PROKR2: variants seen among roughly 807,000 people sequenced by gnomAD.
PROKR2 encodes G protein-coupled receptor 73-like 1.
PROKR2 carries 26 observed loss-of-function variants against 23.4 expected under a neutral mutation model. The observed-to-expected ratio is 1.11, with a 90% CI of 0.81 to 1.54. The LOEUF is 1.54. Ranked by LOEUF, PROKR2 falls within the 40% of genes most tolerant of loss-of-function variation. PROKR2 has a pLI of 0.00. For synonymous variants in PROKR2, 212 were observed against 201.2 expected, an observed-to-expected ratio of 1.05 and a Z score of -0.45; for missense variants, 453 against 511.5, an observed-to-expected ratio of 0.89 and a Z score of 1.10.
chr20:5,311,221 CT>C (rs1204386963), intron 2 of PROKR2, among the ~76,000 whole-genome samples: 1 of 152,114 alleles, frequency 6.6e-6, no homozygotes, highest in Non-Finnish European at 1.5e-5. Context: ...AGAGATAAAG[CT>C]GGAAGGAGAG....
chr20:5,311,868 T>C (rs1979456610), intron 2 of PROKR2, among the ~76,000 whole-genome samples: 1 of 152,242 alleles, frequency 6.6e-6, no homozygotes, highest in South Asian at 2.1e-4. Context: ...TGGCTCTCCT[T>C]TCTTCTCAGC....
Position 5,302,361 on chromosome 20 carries a change from CAT to C in PROKR2, c.832_833del (p.Met278ValfsTer21). The C allele has an allele frequency of 6.2e-7, 1 of 1,614,234 alleles. No homozygotes were observed. The highest frequency in any genetic ancestry group is 8.5e-7 in the Non-Finnish European group (1 of 1,180,044). On this transcript the variant is annotated frameshift_variant, in exon 3 of 3. Coordinates refer to ENST00000678254, the MANE Select transcript of PROKR2 (RefSeq NM_144773.4). LOFTEE classifies it high-confidence loss of function. ...ACAGCACATAGGCCGTGAGAATGCA[CAT>C]GAGCACCAGGACCGTCTTCCTGCGG... Reference protein sequence around the residue: ...RCRRKTVLVLMCILTAYVLCW... With the variant: ...RCRRKTVLVLXCILTAYVLCW...
intron 2 of PROKR2, among the ~76,000 whole-genome samples, chr20:5,304,738 A>G (rs1182393050): frequency 6.6e-6 from 1 of 152,244 alleles, no homozygotes; most frequent in Non-Finnish European, 1.5e-5. Context: ...CGTGGATTTT[A>G]TAGCTCAGTT....
intron 2 of PROKR2, among the ~76,000 whole-genome samples, chr20:5,303,574 G>A (rs1780670764): frequency 1.3e-5 from 2 of 152,162 alleles, no homozygotes; most frequent in Admixed American, 1.3e-4. Flanking sequence ...AGACAGATTG[G>A]AGCCCTTTGT....
chr20:5,316,821 C>T lies in PROKR2; in HGVS notation c.-336G>A, dbSNP rs76986139. 0.047 allele frequency among the ~76,000 whole-genome samples: 7,155 copies of T among 152,320 alleles called. 535 individuals are homozygous for T. The highest frequency in any genetic ancestry group is 0.16 in the African/African-American group (6,747 of 41,536). ...GTCCAGGCCAAGGGTGGATGCCCAG[C>T]TCCCCCACCCCACCGCGTGCTCTCG... On this transcript the variant is annotated 5_prime_UTR_variant, in exon 1 of 3. Transcript: ENST00000678254. This position sits in a 1 kb window ranked among gnomAD's most constrained non-coding sequence, Gnocchi z 5.0.
chr20:5,305,241 A>G (rs1306754562), intron 2 of PROKR2, among the ~76,000 whole-genome samples: 2 of 152,150 alleles, frequency 1.3e-5, no homozygotes, highest in Admixed American at 1.3e-4. Context: ...AGCTCAGGCC[A>G]TTCCCTGACC....
intron 1 of PROKR2, chr20:5,315,750 C>T: frequency 2.4e-6 from 1 of 425,086 alleles, no homozygotes; most frequent in South Asian, 1.7e-5. Flanking sequence ...CCAGTGGCGT[C>T]CACACCCGGA....
rs1568569458 is a variant in PROKR2 at position 5,302,578 on chromosome 20, A to T, written c.617T>A (p.Ile206Asn). The change falls in exon 3 of 3, where the codon ATC becomes AAC. Residue 206 changes from isoleucine to asparagine, a missense_variant. Coordinates refer to ENST00000678254, the MANE Select transcript of PROKR2 (RefSeq NM_144773.4). ...CACAGGCCAGATCTGGCCACAGAAG[A>T]TCTTCTCCTGGCTCTTGACAATAAA... ...VLFIVKSQEKIFCGQIWPVDQ... is the reference protein window; with the variant it reads ...VLFIVKSQEKNFCGQIWPVDQ... The T allele has an allele frequency of 2.0e-5, 33 of 1,614,124 alleles. No homozygotes were observed. Among genetic ancestry groups the T allele is most frequent in the East Asian group, 4.5e-5 (2 of 44,878 alleles).
At chr20:5,311,330 G>C (rs888448056) in intron 2 of PROKR2, among the ~76,000 whole-genome samples, 2 of 152,170 alleles carry the variant, frequency 1.3e-5, no homozygotes, top group African/African-American at 2.4e-5. Flanking sequence ...TCCCTGCTTG[G>C]ACGGCTGAGA....
intron 2 of PROKR2, among the ~76,000 whole-genome samples, chr20:5,309,614 G>A (rs1159006329): frequency 6.6e-6 from 1 of 152,150 alleles, no homozygotes; most frequent in South Asian, 2.1e-4. Context: ...AATTCCATCT[G>A]CTACCTCAAT....
In PROKR2 at chr20:5,314,393, T is replaced by G. The variant is rs749341108; in HGVS notation, c.-8-16A>C. 1.2e-6 allele frequency: 2 copies of G among 1,607,344 alleles called. No individual in the cohort carries two copies. The highest frequency in any genetic ancestry group is 2.7e-5 in the African/African-American group (2 of 74,696). ...ATGGTGATGTCTGCAAGAAAAGTGG[T>G]GTGAGGGAGGTGCGAGGGGTGAGGG... On this transcript the variant is annotated splice_polypyrimidine_tract_variant and intron_variant, in intron 1 of 2. Transcript: ENST00000678254.
intron 1 of PROKR2, among the ~76,000 whole-genome samples, chr20:5,315,550 C>T (rs1361045695): frequency 6.6e-6 from 1 of 152,108 alleles, no homozygotes; most frequent in Admixed American, 6.5e-5. Flanking sequence ...AACGACTCCA[C>T]ATGTGGGCGC....
At chr20:5,305,163 G>A (rs1979170482) in intron 2 of PROKR2, among the ~76,000 whole-genome samples, 1 of 152,236 alleles carries the variant, frequency 6.6e-6, no homozygotes, top group Admixed American at 6.5e-5. Flanking sequence ...TGAGAAAGAT[G>A]GGAACCTGAT....
At chr20:5,311,500 T>C (rs1287377498) in intron 2 of PROKR2, among the ~76,000 whole-genome samples, 1 of 152,190 alleles carries the variant, frequency 6.6e-6, no homozygotes, top group East Asian at 1.9e-4. Flanking sequence ...ACCAGCATTA[T>C]AAAGACAAAG....
intron 1 of PROKR2, among the ~76,000 whole-genome samples, chr20:5,315,044 A>G (rs1979609840): frequency 6.6e-6 from 1 of 152,192 alleles, no homozygotes; most frequent in Admixed American, 6.5e-5. Context: ...TGGGCCAGTG[A>G]TTTATGCTCT....
At chr20:5,315,952 C>A in intron 1 of PROKR2, 2 of 456,450 alleles carry the variant, frequency 4.4e-6, no homozygotes, top group Non-Finnish European at 8.8e-6. Flanking sequence ...ACTCCCCGCC[C>A]GGGAGCGACC....
At chr20:5,315,867 T>C (rs1176099854) in intron 1 of PROKR2, 1 of 456,530 alleles carries the variant, frequency 2.2e-6, no homozygotes, top group Non-Finnish European at 4.4e-6. Flanking sequence ...TCCTCGGCTT[T>C]CCAGCCCCCT....
intron 2 of PROKR2, among the ~76,000 whole-genome samples, chr20:5,312,448 T>C (rs1600587183): frequency 6.6e-6 from 1 of 152,196 alleles, no homozygotes; most frequent in East Asian, 1.9e-4. Flanking sequence ...TGCACCATTT[T>C]CCCTGGAGAA....
intron 1 of PROKR2, chr20:5,315,639 G>A (rs2122225440): frequency 2.9e-6 from 1 of 348,180 alleles, no homozygotes; most frequent in South Asian, 2.1e-5. Context: ...GGAGAACGCC[G>A]AGGGACAGGA....
Sources: allele counts gnomAD v4.1 joint callset (sites outside exome capture counted in the v4.1 genomes callset), GRCh38; gene constraint gnomAD v4.1.1; non-coding constraint Gnocchi (gnomAD v3.1); transcripts MANE v1.5; gene names NCBI Gene and HGNC (gene_info 2026-07-23, HGNC 2026-07-21).